The following INPP5F variants were observed in gnomAD, a reference collection of about 807,000 sequenced individuals.
INPP5F encodes the protein inositol polyphosphate-5-phosphatase F, also known as phosphatidylinositide 4-phosphatase SAC2.
A neutral mutation model predicts 137.2 loss-of-function variants in INPP5F; 97 were observed. That is an observed-to-expected ratio of 0.71 (90% CI 0.60 to 0.84). The LOEUF (loss-of-function observed/expected upper bound fraction) is 0.84, where lower values mean the gene tolerates loss of function less well. INPP5F is among the 40% of genes least tolerant of loss of function. The probability of loss-of-function intolerance (pLI) is 0.00; values close to 1 mark genes in which losing one functional copy is unlikely to be tolerated. For synonymous variants in INPP5F, 504 were observed against 476.9 expected, an observed-to-expected ratio of 1.06 and a Z score of -0.74; for missense variants, 1,271 against 1,371.9, an observed-to-expected ratio of 0.93 and a Z score of 1.16.
chr10:119,781,824 A>G, intron 3 of INPP5F, 53 bp downstream of exon 3: 7 of 1,440,668 alleles, frequency 4.9e-6, no homozygotes, highest in Non-Finnish European at 6.7e-6. Context: ...TGTAATAGCA[A>G]ATATGAGGAT....
chr10:119,812,037 T>G (rs1037708904), intron 15 of INPP5F, 82 bp downstream of exon 15: 143 of 1,132,014 alleles, frequency 1.3e-4, no homozygotes, highest in Non-Finnish European at 2.3e-5. Flanking sequence ...CAGTTGTCCC[T>G]AAAGCTGTGG....
rs368352326 is a variant in INPP5F, at chr10:119,735,638, C to T, written c.97+9279C>T. The stretch of plus-strand genomic sequence containing the variant: ...GAATGTCCCTTCCCCCAGGGAGCAA[C>T]TGTGGTGGGTGGACCCGGGAGTTGA... On this transcript the variant is annotated intron_variant, in intron 1 of 19. Coordinates refer to ENST00000650623, the MANE Select transcript of INPP5F (RefSeq NM_014937.4). Among the ~76,000 whole-genome samples, 119 of 152,284 alleles carry T rather than the reference C, an allele frequency of 7.8e-4. 1 individual carries two copies. The highest frequency in any genetic ancestry group is 2.6e-3 in the African/African-American group (108 of 41,558).
At chr10:119,753,621 C>T (rs1848749289) in intron 2 of INPP5F, among the ~76,000 whole-genome samples, 1 of 152,110 alleles carries the variant, frequency 6.6e-6, no homozygotes, top group Non-Finnish European at 1.5e-5. Flanking sequence ...CCTGGACGTC[C>T]TTTCAGGGTA....
At chr10:119,742,255 A>G (rs1291126057) in intron 1 of INPP5F, among the ~76,000 whole-genome samples, 1 of 151,814 alleles carries the variant, frequency 6.6e-6, no homozygotes, top group African/African-American at 2.4e-5. Context: ...TCCCGGGTTC[A>G]AGCAATTCTC....
At chr10:119,790,488 C>T (rs17099300) in intron 3 of INPP5F, among the ~76,000 whole-genome samples, 10,797 of 152,206 alleles carry the variant, frequency 0.071, 498 homozygotes, top group South Asian at 0.26. Flanking sequence ...ATCTGGAGAT[C>T]CCATTGCACA....
chr10:119,820,038 CTT>C (rs1263472549), intron 15 of INPP5F, among the ~76,000 whole-genome samples: 1 of 152,162 alleles, frequency 6.6e-6, no homozygotes, highest in Non-Finnish European at 1.5e-5. Flanking sequence ...AAACATCTCT[CTT>C]TTGCTGGAAA....
In INPP5F at chr10:119,804,259, A is replaced by G. The variant is rs747215890; in HGVS notation, c.1203A>G (p.Ser401=). The G allele has an allele frequency of 1.2e-6, 2 of 1,612,830 alleles. No homozygotes were observed. Among genetic ancestry groups the G allele is most frequent in the Non-Finnish European group, 1.7e-6 (2 of 1,179,658 alleles). ...YLKQVLLFNN[S]HLTYVSFDFH... ...AGCAAGTGTTGCTTTTCAACAACTC[A>G]CACCTCACTTACGTTTCGTTTGACT... The change falls in exon 10 of 20, where the codon TCA becomes TCG. Residue 401 remains serine, a synonymous_variant. Transcript: ENST00000650623.
chr10:119,784,257 G>A (rs1849802406), intron 3 of INPP5F, among the ~76,000 whole-genome samples: 1 of 152,046 alleles, frequency 6.6e-6, no homozygotes, highest in African/African-American at 2.4e-5. Context: ...TCCTCCACTT[G>A]GAAATAATTG....
At chr10:119,760,658 C>T (rs1240344968) in intron 2 of INPP5F, among the ~76,000 whole-genome samples, 1 of 152,132 alleles carries the variant, frequency 6.6e-6, no homozygotes, top group Non-Finnish European at 1.5e-5. Context: ...TTGTTAAGTT[C>T]TCACTTAGGC....
Position 119,827,076 on chromosome 10 carries a change from C to G in INPP5F, c.2695C>G (p.Pro899Ala). The change falls in exon 20 of 20, where the codon CCT (proline) becomes GCT (alanine). Residue 899 changes from proline to alanine, a missense_variant. Transcript: ENST00000650623. ...TAGTTGTGGTATTATTGCCTCAGCG[C>G]CTCGATTGGGCAGTCGGTCCCAGTC... ...LPSCGIIASA[P>A]RLGSRSQSLS... The G allele has an allele frequency of 1.2e-6, 2 of 1,614,092 alleles. No individual in the cohort carries two copies. The highest frequency in any genetic ancestry group is 1.7e-6 in the Non-Finnish European group (2 of 1,179,974).
At position 119,726,194 on chromosome 10, in the gene INPP5F, G is replaced by C; in HGVS notation, c.-69G>C. 9.9e-7 allele frequency: 1 copy of C among 1,006,734 alleles called. No individual in the cohort carries two copies. The highest frequency in any genetic ancestry group is 1.3e-6 in the Non-Finnish European group (1 of 757,036). 62.4% of individuals were successfully genotyped at this position (1,006,734 alleles called of 1,614,324 possible). A position where few individuals can be genotyped will look rare whatever the true frequency, so the allele number is the denominator to read the frequency against. On this transcript the variant is annotated 5_prime_UTR_variant, in exon 1 of 20. Transcript: ENST00000650623. ...GCTCCCCGAGGCGCGGGCTCTGGCG[G>C]CCTCGACCGACTAGGACGCCCCGTG...
chr10:119,791,832 T>G, intron 4 of INPP5F, 37 bp from the exon 5 acceptor site: 1 of 1,509,486 alleles, frequency 6.6e-7, no homozygotes, highest in East Asian at 2.3e-5. Flanking sequence ...TACTTTACAT[T>G]TAATTTCTGT....
chr10:119,823,553 C>T (rs1851644303), intron 18 of INPP5F, among the ~76,000 whole-genome samples: 1 of 151,924 alleles, frequency 6.6e-6, no homozygotes, highest in African/African-American at 2.4e-5. Flanking sequence ...GCATCTGTCA[C>T]AGTGCTTGAA....
chr10:119,785,286 GTTTT>G (rs71019717), intron 3 of INPP5F, among the ~76,000 whole-genome samples: 8 of 106,236 alleles, frequency 7.5e-5, no homozygotes, highest in Admixed American at 9.8e-5. Flanking sequence ...CTGCCAGACT[GTTTT>G]TTTTTTTTTT....
In INPP5F at chr10:119,823,819, C is replaced by A. The variant is rs768618763; in HGVS notation, c.2166C>A (p.Thr722=). 5.0e-6 allele frequency: 8 copies of A among 1,611,608 alleles called. No individual in the cohort carries two copies. Among genetic ancestry groups the A allele is most frequent in the Non-Finnish European group, 6.8e-6 (8 of 1,178,854 alleles). Reference sequence around the variant, plus strand: ...GCAGTTATATTTGGGTTGCAGATACCCTTCAGTGCATTGCAGAGATGCTGC... The same window carrying A: ...GCAGTTATATTTGGGTTGCAGATACACTTCAGTGCATTGCAGAGATGCTGC... The part of the protein sequence containing the change: ...MRNPEEDGKD[T]LQCIAEMLQI... The change falls in exon 19 of 20, where the codon ACC becomes ACA. Residue 722 remains threonine (T), a synonymous_variant. Transcript: ENST00000650623.
intron 2 of INPP5F, among the ~76,000 whole-genome samples, chr10:119,776,537 T>C (rs946350982): frequency 2.0e-5 from 3 of 152,158 alleles, no homozygotes; most frequent in African/African-American, 7.2e-5. Flanking sequence ...GGAAAGATAC[T>C]ATATTTGATA....
At position 119,827,714 on chromosome 10, in the gene INPP5F, T is replaced by C. The variant is rs1851828363; in HGVS notation, c.3333T>C (p.Asn1111=). ...QKSPPEPEII[N]QVQQNELKKM... is the part of the protein sequence containing the mutation. ...GTCCTCCAGAACCTGAAATCATTAA[T>C]CAAGTCCAGCAAAATGAACTTAAAA... Residue 1111 remains asparagine, a synonymous_variant, in exon 20 of 20, where the codon AAT becomes AAC. Transcript: ENST00000650623. 1.2e-6 allele frequency: 2 copies of C among 1,613,760 alleles called. No individual in the cohort carries two copies. Among genetic ancestry groups the C allele is most frequent in the Non-Finnish European group, 8.5e-7 (1 of 1,179,830 alleles).
chr10:119,797,528 G>T lies in INPP5F; in HGVS notation c.936G>T (p.Gln312His), dbSNP rs1192044289. ...GNVANYVETE[Q>H]LIHVHNHTLS... ...TTGCCAATTATGTGGAGACTGAGCA[G>T]TTGATTCATGTTCATAATCATACCC... The change falls in exon 8 of 20, where the codon CAG (glutamine) becomes CAT (histidine). Residue 312 changes from glutamine to histidine, a missense_variant. Around this residue, in one of 6 missense-constraint regions of INPP5F, gnomAD observed 593 missense variants for 712.4 expected, o/e 0.83. Transcript: ENST00000650623. 3 of 1,612,410 alleles carry T rather than the reference G, an allele frequency of 1.9e-6. No homozygotes were observed. Among genetic ancestry groups the T allele is most frequent in the African/African-American group, 1.3e-5 (1 of 74,906 alleles).
At chr10:119,801,231 T>C (rs1850580415) in intron 9 of INPP5F, among the ~76,000 whole-genome samples, 1 of 152,230 alleles carries the variant, frequency 6.6e-6, no homozygotes, top group Admixed American at 6.5e-5. Flanking sequence ...TAAAATCACC[T>C]TGTGGGGTAA....
Sources: gnomAD v4.1 joint callset for allele counts (sites outside exome capture counted in the v4.1 genomes callset) on GRCh38, gnomAD v4.1.1 for gene constraint, gnomAD v4.1.1 regional missense constraint, MANE v1.5 for transcripts, NCBI Gene and HGNC (gene_info 2026-07-23, HGNC 2026-07-21) for gene names.